CSMD1: variants seen among roughly 807,000 people sequenced by gnomAD.
The protein encoded by CSMD1 is CUB and sushi domain-containing protein 1.
A neutral mutation model predicts 417.5 loss-of-function variants in CSMD1; 213 were observed. The ratio of observed to expected loss-of-function variants is 0.51; its 90% confidence interval spans 0.46 to 0.57. The LOEUF (loss-of-function observed/expected upper bound fraction) is 0.57, where lower values mean the gene tolerates loss of function less well. Among genes scored for constraint, CSMD1 ranks in the 20% least tolerant of loss-of-function variants. CSMD1 has a pLI of 0.00. For missense variants in CSMD1, 6,923 were observed against 4,529.7 expected (o/e 1.53, Z -15.17); for synonymous variants, 2,862 against 1,736.8 (o/e 1.65, Z -16.11).
At chr8:4,306,915 A>T (rs1798279869) in intron 3 of CSMD1, among the ~76,000 whole-genome samples, 1 of 152,094 alleles carries the variant, frequency 6.6e-6, no homozygotes, top group Non-Finnish European at 1.5e-5. Flanking sequence ...TATACTTCAA[A>T]ATCCTCAGTG....
intron 10 of CSMD1, among the ~76,000 whole-genome samples, chr8:3,501,598 A>G (rs1796603450): frequency 6.6e-6 from 1 of 152,194 alleles, no homozygotes; most frequent in Non-Finnish European, 1.5e-5. Context: ...AACACACTGG[A>G]AGGAACACTG....
intron 1 of CSMD1, among the ~76,000 whole-genome samples, chr8:4,681,324 C>G (rs184952458): frequency 3.6e-4 from 55 of 152,212 alleles, no homozygotes; most frequent in Non-Finnish European, 6.9e-4. Context: ...AGTACAATAT[C>G]TGATATAAGT....
intron 1 of CSMD1, among the ~76,000 whole-genome samples, chr8:4,791,989 G>T (rs919508222): frequency 6.6e-6 from 1 of 151,406 alleles, no homozygotes; most frequent in Non-Finnish European, 1.5e-5. Flanking sequence ...GTCCTTTATA[G>T]TGTGTGTCTC....
At chr8:4,982,480 G>T (rs998825246) in intron 1 of CSMD1, among the ~76,000 whole-genome samples, 2 of 152,106 alleles carry the variant, frequency 1.3e-5, no homozygotes, top group Admixed American at 1.3e-4. Context: ...CAAAGAACGG[G>T]TATTGTCATT....
At chr8:4,149,227 C>G (rs1278463699) in intron 3 of CSMD1, among the ~76,000 whole-genome samples, 3 of 152,066 alleles carry the variant, frequency 2.0e-5, no homozygotes, top group African/African-American at 7.2e-5. Context: ...GCCTCCCAAA[C>G]TGCTGAGATA....
chr8:3,119,877 C>T (rs62488457), intron 41 of CSMD1, among the ~76,000 whole-genome samples: 3,866 of 152,228 alleles, frequency 0.025, 80 homozygotes, highest in Non-Finnish European at 0.039. Flanking sequence ...CAATGAGTTT[C>T]AAAATAGCAT....
chr8:4,287,180 A>G (rs1039635766), intron 3 of CSMD1, among the ~76,000 whole-genome samples: 4 of 152,226 alleles, frequency 2.6e-5, no homozygotes, highest in South Asian at 2.1e-4. Flanking sequence ...ATTTAGAACT[A>G]AACAGTTTAA....
chr8:3,175,591 T>C (rs1418772577), intron 37 of CSMD1, among the ~76,000 whole-genome samples: 1 of 144,852 alleles, frequency 6.9e-6, no homozygotes, highest in East Asian at 2.1e-4. Flanking sequence ...CTTTTTGTCC[T>C]CCCTCCCTCC....
chr8:4,594,411 G>C (rs1032476736), intron 2 of CSMD1, among the ~76,000 whole-genome samples: 9 of 151,818 alleles, frequency 5.9e-5, no homozygotes, highest in African/African-American at 2.2e-4. Context: ...TGTTGGCCAG[G>C]CTGGTCTCAA....
At chr8:4,369,471 G>A (rs1445341611) in intron 3 of CSMD1, among the ~76,000 whole-genome samples, 8 of 152,110 alleles carry the variant, frequency 5.3e-5, no homozygotes, top group African/African-American at 1.9e-4. Context: ...TTAGTCAAGT[G>A]TCAAGGTTAA....
chr8:2,975,713 T>G (rs1353619240), intron 55 of CSMD1, among the ~76,000 whole-genome samples: 4 of 152,114 alleles, frequency 2.6e-5, no homozygotes, highest in East Asian at 1.9e-4. Flanking sequence ...TAACCTTCAG[T>G]GAAACAATAT....
intron 49 of CSMD1, among the ~76,000 whole-genome samples, chr8:3,058,935 G>C (rs960173289): frequency 1.3e-5 from 2 of 152,026 alleles, no homozygotes; most frequent in Non-Finnish European, 2.9e-5. Context: ...CTGCTTCTCT[G>C]AATGCACTTT....
chr8:3,529,225 A>G (rs1450527022), intron 10 of CSMD1, among the ~76,000 whole-genome samples: 1 of 152,230 alleles, frequency 6.6e-6, no homozygotes, highest in Non-Finnish European at 1.5e-5. Flanking sequence ...TGTTATTAAA[A>G]TGCAAAATGC....
chr8:3,118,496 G>A lies in CSMD1; in HGVS notation c.6333C>T (p.Phe2111=), dbSNP rs371752238. 258 of 1,613,850 alleles carry A rather than the reference G, an allele frequency of 1.6e-4. No homozygotes were observed. Among genetic ancestry groups the A allele is most frequent in the African/African-American group, 5.7e-4 (43 of 75,038 alleles). The change falls in exon 42 of 70, where the codon TTC becomes TTT. Residue 2111 remains phenylalanine, a synonymous_variant. Coordinates refer to ENST00000635120, the MANE Select transcript of CSMD1 (RefSeq NM_033225.6). ...TTAGAATGTACCCAGGATAACACTC[G>A]AAAGATACTGATTGCCCCACGCTGT... ...SDYSVGQSVS[F]ECYPGYILIG... is the part of the protein sequence containing the mutation.
chr8:3,899,319 G>A (rs1357347361), intron 5 of CSMD1, among the ~76,000 whole-genome samples: 3 of 152,180 alleles, frequency 2.0e-5, no homozygotes, highest in East Asian at 3.9e-4. Flanking sequence ...CAAAAGAGGT[G>A]CTACTTCAGA....
intron 40 of CSMD1, among the ~76,000 whole-genome samples, chr8:3,149,265 GA>G (rs1366884840): frequency 6.6e-6 from 1 of 151,984 alleles, no homozygotes; most frequent in Non-Finnish European, 1.5e-5. Flanking sequence ...AGTAACATTG[GA>G]AAAATAAGTT....
At chr8:3,528,802 T>C (rs1289534692) in intron 10 of CSMD1, among the ~76,000 whole-genome samples, 1 of 152,158 alleles carries the variant, frequency 6.6e-6, no homozygotes, top group African/African-American at 2.4e-5. Flanking sequence ...AACACCTGGA[T>C]AAAATTATTA....
intron 3 of CSMD1, among the ~76,000 whole-genome samples, chr8:4,214,069 C>G (rs1041154126): frequency 1.3e-5 from 2 of 152,094 alleles, no homozygotes; most frequent in African/African-American, 4.8e-5. Context: ...AAATATCTGA[C>G]CTACTGAATT....
At chr8:3,999,693 C>G (rs1815507884) in intron 4 of CSMD1, among the ~76,000 whole-genome samples, 1 of 152,146 alleles carries the variant, frequency 6.6e-6, no homozygotes, top group Non-Finnish European at 1.5e-5. Flanking sequence ...CATTCTCATG[C>G]TGTTTATGTC....
Sources: allele counts gnomAD v4.1 joint callset (sites outside exome capture counted in the v4.1 genomes callset), GRCh38; gene constraint gnomAD v4.1.1; transcripts MANE v1.5; gene names NCBI Gene and HGNC (gene_info 2026-07-23, HGNC 2026-07-21).